The following CDK5RAP2 variants were observed in gnomAD, a reference collection of about 807,000 sequenced individuals.
CDK5RAP2 encodes the protein CDK5 regulatory subunit associated protein 2.
A neutral mutation model predicts 232.9 loss-of-function variants in CDK5RAP2; 147 were observed. The observed-to-expected ratio is 0.63, with a 90% CI of 0.55 to 0.72. The LOEUF is 0.72. Ranked by LOEUF, CDK5RAP2 falls within the 30% of genes least tolerant of loss-of-function variation. The probability of loss-of-function intolerance (pLI) is 0.00; values close to 1 mark genes in which losing one functional copy is unlikely to be tolerated. For missense variants in CDK5RAP2, 2,195 were observed against 2,231.5 expected, an observed-to-expected ratio of 0.98 and a Z score of 0.33; for synonymous variants, 833 against 833.7, an observed-to-expected ratio of 1.00 and a Z score of 0.01.
At chr9:120,472,821 T>C (rs2037792167) in intron 15 of CDK5RAP2, among the ~76,000 whole-genome samples, 2 of 152,254 alleles carry the variant, frequency 1.3e-5, no homozygotes, top group African/African-American at 4.8e-5. Context: ...GGAAATGTTC[T>C]ATATCTTCAC....
intron 32 of CDK5RAP2, among the ~76,000 whole-genome samples, chr9:120,404,392 G>C (rs1466520110): frequency 6.6e-6 from 1 of 152,208 alleles, no homozygotes. Context: ...GGGAAACACA[G>C]GCTGTTGGGG....
chr9:120,557,986 G>A (rs1326505141), intron 3 of CDK5RAP2, among the ~76,000 whole-genome samples: 1 of 148,840 alleles, frequency 6.7e-6, no homozygotes, highest in Non-Finnish European at 1.5e-5. Flanking sequence ...GGCTGATCTC[G>A]AACTCCTGAC....
chr9:120,528,917 T>TGTG, intron 8 of CDK5RAP2, 120 bp from the exon 9 acceptor site: 1 of 738,778 alleles, frequency 1.4e-6, no homozygotes, highest in Non-Finnish European at 2.5e-6. Context: ...GTGGAACTCG[T>TGTG]TAAAACAAGT....
At chr9:120,548,288 G>A (rs1011978123) in intron 4 of CDK5RAP2, among the ~76,000 whole-genome samples, 2 of 152,180 alleles carry the variant, frequency 1.3e-5, no homozygotes, top group South Asian at 2.1e-4. Context: ...GAAGGGTGGA[G>A]AGCTTCTATT....
At chr9:120,432,570 T>A (rs1021624892) in intron 25 of CDK5RAP2, among the ~76,000 whole-genome samples, 1 of 152,256 alleles carries the variant, frequency 6.6e-6, no homozygotes, top group Non-Finnish European at 1.5e-5. Flanking sequence ...ACCTCTGTGT[T>A]ACATTTTAGT....
chr9:120,458,711 G>A, intron 19 of CDK5RAP2, 89 bp from the exon 20 acceptor site: 1 of 1,236,310 alleles, frequency 8.1e-7, no homozygotes, highest in Middle Eastern at 2.1e-4. Context: ...GGGTAAGTGA[G>A]TAAGTGAAAA....
chr9:120,403,082 A>T lies in CDK5RAP2; in HGVS notation c.5042-11T>A, dbSNP rs781365425. The stretch of plus-strand genomic sequence containing the variant: ...GAGGAGTCTCTGAAACTGTAAAATG[A>T]GAAGTAGGATGTAAAATCTGTTTCA... On this transcript the variant is annotated splice_polypyrimidine_tract_variant and intron_variant, in intron 33 of 37. Coordinates refer to ENST00000349780, the MANE Select transcript of CDK5RAP2 (RefSeq NM_018249.6). This position sits in a 1 kb window ranked among gnomAD's most constrained non-coding sequence, Gnocchi z 4.2. The T allele has an allele frequency of 6.2e-7, 1 of 1,613,830 alleles. No homozygotes were observed. Among genetic ancestry groups the T allele is most frequent in the Non-Finnish European group, 8.5e-7 (1 of 1,179,786 alleles).
intron 29 of CDK5RAP2, among the ~76,000 whole-genome samples, chr9:120,409,819 G>A (rs1025889663): frequency 6.6e-6 from 1 of 152,252 alleles, no homozygotes; most frequent in Non-Finnish European, 1.5e-5. Flanking sequence ...TGGGGACAGA[G>A]AGGCCACATT....
chr9:120,563,884 G>A (rs2042549224), intron 3 of CDK5RAP2, among the ~76,000 whole-genome samples: 1 of 152,226 alleles, frequency 6.6e-6, no homozygotes, highest in Non-Finnish European at 1.5e-5. Flanking sequence ...TGCCTCGGCT[G>A]AGGCCAAGAA....
At chr9:120,517,312 G>A (rs139743800) in intron 12 of CDK5RAP2, among the ~76,000 whole-genome samples, 1,603 of 152,230 alleles carry the variant, frequency 0.011, 28 homozygotes, top group African/African-American at 0.036. Context: ...TTTCTTCAGT[G>A]TTAACACTGG....
chr9:120,558,339 C>T (rs2042318370), intron 3 of CDK5RAP2, among the ~76,000 whole-genome samples: 1 of 122,496 alleles, frequency 8.2e-6, no homozygotes, highest in Non-Finnish European at 1.6e-5. Flanking sequence ...CACCACTGCA[C>T]TCCAGCCTGG....
At chr9:120,444,190 G>A (rs1262172478) in intron 22 of CDK5RAP2, among the ~76,000 whole-genome samples, 2 of 152,222 alleles carry the variant, frequency 1.3e-5, no homozygotes, top group African/African-American at 4.8e-5. Context: ...GAGGCAGGGG[G>A]GCCACTTGAG....
At chr9:120,578,136 G>A (rs2043104388) in intron 1 of CDK5RAP2, among the ~76,000 whole-genome samples, 1 of 152,014 alleles carries the variant, frequency 6.6e-6, no homozygotes, top group Admixed American at 6.6e-5. Flanking sequence ...GCACGGTGGT[G>A]CACTCCTGTA....
intron 15 of CDK5RAP2, among the ~76,000 whole-genome samples, chr9:120,473,535 C>T (rs1272479297): frequency 6.6e-6 from 1 of 152,224 alleles, no homozygotes; most frequent in Non-Finnish European, 1.5e-5. Context: ...AATCAACACA[C>T]ATTGGAAGGA....
At chr9:120,440,076 C>T in intron 23 of CDK5RAP2, 104 bp from the exon 24 acceptor site, 1 of 966,494 alleles carries the variant, frequency 1.0e-6, no homozygotes, top group Admixed American at 2.0e-5. Context: ...AGTGACCTAA[C>T]AAGCCTCCCT....
intron 4 of CDK5RAP2, among the ~76,000 whole-genome samples, chr9:120,547,788 G>T (rs1349166208): frequency 6.6e-6 from 1 of 152,206 alleles, no homozygotes. Context: ...ACCAGGAGGA[G>T]ACCACAAAGT....
At chr9:120,469,758 G>A (rs1292651418) in intron 17 of CDK5RAP2, among the ~76,000 whole-genome samples, 9 of 152,142 alleles carry the variant, frequency 5.9e-5, no homozygotes, top group Non-Finnish European at 1.3e-4. Context: ...AGGAAATATA[G>A]ACAAATAACC....
intron 21 of CDK5RAP2, 108 bp downstream of exon 21, chr9:120,453,347 TG>T: frequency 9.8e-7 from 1 of 1,015,358 alleles, no homozygotes; most frequent in Non-Finnish European, 1.4e-6. Flanking sequence ...AGGGAGACAC[TG>T]GACATTCTTG....
intron 4 of CDK5RAP2, among the ~76,000 whole-genome samples, chr9:120,549,334 G>C (rs1351425886): frequency 6.6e-6 from 1 of 152,120 alleles, no homozygotes; most frequent in African/African-American, 2.4e-5. Flanking sequence ...ATATTTATTA[G>C]ATCTAGAGGA....
Sources: allele counts gnomAD v4.1 joint callset (sites outside exome capture counted in the v4.1 genomes callset), GRCh38; gene constraint gnomAD v4.1.1; non-coding constraint Gnocchi (gnomAD v3.1); transcripts MANE v1.5; gene names NCBI Gene and HGNC (gene_info 2026-07-23, HGNC 2026-07-21).